Variants in SAMD12 observed in about 807,000 individuals in gnomAD.
SAMD12 encodes sterile alpha motif domain-containing protein 12.
Under a neutral mutation model 15.0 loss-of-function variants are expected in SAMD12, and 9 were observed. The observed-to-expected ratio is 0.60, with a 90% CI of 0.36 to 1.05. The LOEUF (loss-of-function observed/expected upper bound fraction) is 1.05, where lower values mean the gene tolerates loss of function less well. Among genes scored for constraint, SAMD12 ranks in the 50% least tolerant of loss-of-function variants. The probability of loss-of-function intolerance (pLI) is 0.01; values close to 1 mark genes in which losing one functional copy is unlikely to be tolerated. For synonymous variants in SAMD12, 86 were observed against 90.1 expected, an observed-to-expected ratio of 0.96 and a Z score of 0.25; for missense variants, 230 against 234.2, an observed-to-expected ratio of 0.98 and a Z score of 0.12.
intron 4 of SAMD12, among the ~76,000 whole-genome samples, chr8:118,359,895 G>A (rs891813240): frequency 2.0e-5 from 3 of 152,178 alleles, no homozygotes; most frequent in African/African-American, 7.2e-5. Context: ...ATAAAAACTG[G>A]AGAAGTTAAA....
In SAMD12 at chr8:118,189,944, A is replaced by AG. The variant is rs201224139; in HGVS notation, c.*7765dup. On this transcript the variant is annotated 3_prime_UTR_variant, in exon 5 of 5. Transcript: ENST00000409003. The stretch of plus-strand genomic sequence containing the variant: ...CTGGGAGTTTTTCTAGGATGCACAG[A>AG]GGAAAAAAAAAAAAAAAAAAAAAAA... The AG allele has an allele frequency of 6.9e-3, 921 of 134,396 alleles. 9 individuals are homozygous for AG. Among genetic ancestry groups the AG allele is most frequent in the African/African-American group, 0.025 (831 of 33,548 alleles). 8.3% of individuals were successfully genotyped at this position (134,396 alleles called of 1,614,324 possible).
intron 1 of SAMD12, among the ~76,000 whole-genome samples, chr8:118,617,993 A>C (rs1279527127): frequency 6.6e-6 from 1 of 151,572 alleles, no homozygotes; most frequent in Non-Finnish European, 1.5e-5. Flanking sequence ...CCTAGTCCCC[A>C]GTCCTGCTAA....
intron 2 of SAMD12, among the ~76,000 whole-genome samples, chr8:118,529,187 T>C (rs1225245153): frequency 6.6e-6 from 1 of 152,208 alleles, no homozygotes; most frequent in East Asian, 1.9e-4. Context: ...AAGTTTTTGC[T>C]TCCCTCTTAA....
chr8:118,555,035 C>T (rs970164805), intron 2 of SAMD12, among the ~76,000 whole-genome samples: 1 of 152,242 alleles, frequency 6.6e-6, no homozygotes, highest in African/African-American at 2.4e-5. Flanking sequence ...AAGGCATTTA[C>T]ACCTCAAGAT....
At chr8:118,463,316 G>A (rs1823491795) in intron 2 of SAMD12, among the ~76,000 whole-genome samples, 1 of 152,124 alleles carries the variant, frequency 6.6e-6, no homozygotes, top group South Asian at 2.1e-4. Context: ...GCTGCTAGGC[G>A]CATGGTAAGA....
At chr8:118,615,900 G>A (rs1245871015) in intron 1 of SAMD12, among the ~76,000 whole-genome samples, 1 of 152,148 alleles carries the variant, frequency 6.6e-6, no homozygotes, top group African/African-American at 2.4e-5. Flanking sequence ...AAAAGAGATG[G>A]GGGTGGCAGG....
the SAMD12 span, among the ~76,000 whole-genome samples, chr8:118,156,193 A>G: frequency 7.2e-5 from 11 of 152,230 alleles, no homozygotes; most frequent in African/African-American, 2.7e-4. Flanking sequence ...AGTAACTGCA[A>G]AAAGACCCAC....
At chr8:118,140,154 G>T in the SAMD12 span, among the ~76,000 whole-genome samples, 1 of 152,140 alleles carries the variant, frequency 6.6e-6, no homozygotes, top group African/African-American at 2.4e-5. Context: ...TGAAGAAGAA[G>T]GATAAACAAT....
At chr8:118,305,226 G>A (rs1005770386) in intron 4 of SAMD12, among the ~76,000 whole-genome samples, 5 of 141,606 alleles carry the variant, frequency 3.5e-5, no homozygotes, top group African/African-American at 1.3e-4. Flanking sequence ...CACCATCATT[G>A]CTATCCCTTT....
At chr8:118,433,782 G>A (rs1327263946) in intron 3 of SAMD12, among the ~76,000 whole-genome samples, 2 of 152,116 alleles carry the variant, frequency 1.3e-5, no homozygotes, top group Non-Finnish European at 2.9e-5. Flanking sequence ...CAAAGAGATA[G>A]GAAAGTAGAT....
chr8:118,335,814 T>C (rs1336660526), intron 4 of SAMD12, among the ~76,000 whole-genome samples: 1 of 152,162 alleles, frequency 6.6e-6, no homozygotes, highest in Non-Finnish European at 1.5e-5. Context: ...TGATCATGGC[T>C]CACCGCAGCC....
chr8:118,212,157 T>TA (rs1462910303), intron 4 of SAMD12, among the ~76,000 whole-genome samples: 3 of 152,020 alleles, frequency 2.0e-5, no homozygotes, highest in Non-Finnish European at 4.4e-5. Flanking sequence ...GGGGTCTCAC[T>TA]ATGTGGCCCA....
chr8:118,302,053 A>G (rs1021057584), intron 4 of SAMD12, among the ~76,000 whole-genome samples: 1 of 126,626 alleles, frequency 7.9e-6, no homozygotes, highest in African/African-American at 3.1e-5. Context: ...TCTTCACAAC[A>G]TTTTCTAGCG....
At chr8:118,489,398 A>G (rs1824376240) in intron 2 of SAMD12, among the ~76,000 whole-genome samples, 1 of 152,080 alleles carries the variant, frequency 6.6e-6, no homozygotes. Context: ...TGTTTCAGGA[A>G]TTTTTGCCTA....
In SAMD12 at chr8:118,221,580, G is replaced by A. The variant is rs375911857; in HGVS notation, c.434-23848C>T. 8.5e-5 allele frequency among the ~76,000 whole-genome samples: 13 copies of A among 152,230 alleles called. No individual in the cohort carries two copies. The East Asian group carries it at 2.3e-3, about 27-fold the overall frequency. On this transcript the variant is annotated intron_variant, in intron 4 of 4. Transcript: ENST00000409003. ...GATGAGTTAATTGAGTGAGGGGTGG[G>A]AGAGAGATGGGGTTGTAGTGGCTTG...
downstream of SAMD12, among the ~76,000 whole-genome samples, chr8:118,376,234 T>C (rs1244297363): frequency 6.6e-6 from 1 of 152,232 alleles, no homozygotes; most frequent in Non-Finnish European, 1.5e-5. Flanking sequence ...TTAAAATGCG[T>C]TGGTTAGTAA....
At chr8:118,598,569 G>A (rs538026042) in intron 1 of SAMD12, among the ~76,000 whole-genome samples, 12 of 152,334 alleles carry the variant, frequency 7.9e-5, no homozygotes, top group African/African-American at 2.6e-4. Flanking sequence ...CAATATCCCT[G>A]TAAAGTTAAG....
chr8:118,537,302 A>C (rs935359248), intron 2 of SAMD12, among the ~76,000 whole-genome samples: 3 of 152,026 alleles, frequency 2.0e-5, no homozygotes, highest in African/African-American at 7.2e-5. Flanking sequence ...CTTGTACTTG[A>C]ATATTGATAT....
At chr8:118,170,894 T>C in the SAMD12 span, among the ~76,000 whole-genome samples, 2 of 152,222 alleles carry the variant, frequency 1.3e-5, no homozygotes, top group East Asian at 3.9e-4. Context: ...GGACAGAAGA[T>C]GGAATGAGAG....
Sources: gnomAD v4.1 joint callset for allele counts (sites outside exome capture counted in the v4.1 genomes callset) on GRCh38, gnomAD v4.1.1 for gene constraint, MANE v1.5 for transcripts, NCBI Gene and HGNC (gene_info 2026-07-23, HGNC 2026-07-21) for gene names.